Variants in POGLUT1 observed in about 807,000 individuals in gnomAD.
POGLUT1 encodes protein O-glucosyltransferase 1, also known as 9630046K23Rik.
POGLUT1 carries 32 observed loss-of-function variants against 61.3 expected under a neutral mutation model. That is an observed-to-expected ratio of 0.52 (90% CI 0.39 to 0.70). POGLUT1 has a LOEUF of 0.70. POGLUT1 is among the 30% of genes least tolerant of loss of function. POGLUT1 has a pLI of 0.00. For missense variants in POGLUT1, 411 were observed against 469.8 expected (o/e 0.87, Z 1.16); for synonymous variants, 158 against 158.2 (o/e 1.00, Z 0.01).
rs573930420 is a variant in POGLUT1, at chr3:119,491,830, G to A, written c.1022+256G>A. Among the ~76,000 whole-genome samples the A allele has an allele frequency of 2.2e-4, 33 of 152,252 alleles. No individual in the cohort carries two copies. The South Asian group carries it at 6.8e-3, about 32-fold the overall frequency. Reference sequence around the variant, plus strand: ...AGCACTCTGGAAGGCCGAGGTGGGCGGATCACCTGAGGTCAGAAGTTCAAG... The same window carrying A: ...AGCACTCTGGAAGGCCGAGGTGGGCAGATCACCTGAGGTCAGAAGTTCAAG... On this transcript the variant is annotated intron_variant, in intron 10 of 10. Coordinates refer to ENST00000295588, the MANE Select transcript of POGLUT1 (RefSeq NM_152305.3).
At chr3:119,471,491 T>G (rs1453901093) in intron 3 of POGLUT1, 39 bp downstream of exon 3, 1 of 1,590,132 alleles carries the variant, frequency 6.3e-7, no homozygotes, top group Admixed American at 1.7e-5. Context: ...CTGACTTTAT[T>G]ACATATGGGC....
intron 5 of POGLUT1, 40 bp from the exon 6 acceptor site, chr3:119,485,288 A>T: frequency 3.2e-6 from 4 of 1,253,978 alleles, no homozygotes; most frequent in Non-Finnish European, 4.6e-6. Flanking sequence ...TATATAGTTG[A>T]AAAAGATATA....
chr3:119,475,181 C>T (rs1056296536), intron 3 of POGLUT1, among the ~76,000 whole-genome samples: 20 of 152,178 alleles, frequency 1.3e-4, no homozygotes, highest in Non-Finnish European at 2.8e-4. Context: ...TGTACATTTA[C>T]AAGCATCTAG....
intron 1 of POGLUT1, 59 bp from the exon 2 acceptor site, chr3:119,469,761 T>C: frequency 2.4e-6 from 2 of 823,330 alleles, no homozygotes; most frequent in South Asian, 2.8e-5. Context: ...GTTGGTGTGG[T>C]GTCAGCAAAT....
intron 2 of POGLUT1, 31 bp downstream of exon 2, chr3:119,469,941 A>G: frequency 8.0e-7 from 1 of 1,252,810 alleles, no homozygotes; most frequent in Non-Finnish European, 1.2e-6. Flanking sequence ...TGTCTTTGAG[A>G]GTTTAGTTGC....
intron 5 of POGLUT1, among the ~76,000 whole-genome samples, chr3:119,481,942 A>G (rs144054099): frequency 2.0e-5 from 3 of 152,186 alleles, no homozygotes; most frequent in East Asian, 1.9e-4. Context: ...GTTTTTTAAA[A>G]TTTTTTGTAG....
chr3:119,493,484 T>C lies in POGLUT1; in HGVS notation c.*1046T>C, dbSNP rs1400334656. The C allele has an allele frequency of 6.6e-6, 1 of 152,178 alleles. No homozygotes were observed. Among genetic ancestry groups the C allele is most frequent in the African/African-American group, 2.4e-5 (1 of 41,440 alleles). The allele number at this position is 152,178 out of a possible 1,614,324, so 9.4% of individuals were successfully genotyped here. On this transcript the variant is annotated 3_prime_UTR_variant, in exon 11 of 11. Coordinates refer to ENST00000295588, the MANE Select transcript of POGLUT1 (RefSeq NM_152305.3). ...ATATCTCAGGGTGCTCTTTCTAACA[T>C]AGTAAAAAATGAAGAAAAATGTTTA...
At chr3:119,470,349 G>C (rs1027962863) in intron 2 of POGLUT1, among the ~76,000 whole-genome samples, 7 of 152,188 alleles carry the variant, frequency 4.6e-5, no homozygotes, top group African/African-American at 1.4e-4. Flanking sequence ...GCCAAGGCAG[G>C]TGGATCACCT....
chr3:119,477,512 CT>C, intron 4 of POGLUT1, 64 bp downstream of exon 4: 1 of 1,494,792 alleles, frequency 6.7e-7, no homozygotes, highest in Non-Finnish European at 9.3e-7. Context: ...AGCATGAGAT[CT>C]TTGTCCGGTG....
chr3:119,485,311 A>G lies in POGLUT1; in HGVS notation c.579-17A>G. 1.3e-6 allele frequency: 2 copies of G among 1,513,784 alleles called. No homozygotes were observed. The highest frequency in any genetic ancestry group is 4.5e-5 in the East Asian group (2 of 44,404). The allele number at this position is 1,513,784 out of a possible 1,614,324, so 93.8% of individuals were successfully genotyped here. On this transcript the variant is annotated splice_polypyrimidine_tract_variant and intron_variant, in intron 5 of 10. Transcript: ENST00000295588. ...TGAAAAAGATATATTGAAACTAATT[A>G]AATTCTATATTCTTAGGTCAGCAGC...
At chr3:119,469,393 C>T (rs1560028424) in intron 1 of POGLUT1, 2 of 569,780 alleles carry the variant, frequency 3.5e-6, no homozygotes, top group Non-Finnish European at 6.3e-6. Context: ...CTACTCTGGA[C>T]CTGCCTGAAA....
chr3:119,475,063 A>G (rs1289260039), intron 3 of POGLUT1, among the ~76,000 whole-genome samples: 1 of 152,146 alleles, frequency 6.6e-6, no homozygotes, highest in Non-Finnish European at 1.5e-5. Context: ...ACATTCAGTG[A>G]AAAGGAAGTT....
In POGLUT1 at chr3:119,492,698, C is replaced by T. The variant is rs1018086505; in HGVS notation, c.*260C>T. 1 of 211,000 alleles carries T rather than the reference C, an allele frequency of 4.7e-6. No homozygotes were observed. Among genetic ancestry groups the T allele is most frequent in the Non-Finnish European group, 9.5e-6 (1 of 105,788 alleles). The allele number at this position is 211,000 out of a possible 1,614,324, so 13.1% of individuals were successfully genotyped here. A position where few individuals can be genotyped will look rare whatever the true frequency, so the allele number is the denominator to read the frequency against. ...ATGTGGATTTTGAACCCAACTCTAC[C>T]TTTCATTTTCTTAAGACCAATCACA... On this transcript the variant is annotated 3_prime_UTR_variant, in exon 11 of 11. Coordinates refer to ENST00000295588, the MANE Select transcript of POGLUT1 (RefSeq NM_152305.3).
At chr3:119,470,202 G>A (rs546311553) in intron 2 of POGLUT1, among the ~76,000 whole-genome samples, 2 of 152,240 alleles carry the variant, frequency 1.3e-5, no homozygotes, top group Admixed American at 6.5e-5. Context: ...CTGTCAGTGC[G>A]TGCTCGATAA....
rs570048404 is a variant in POGLUT1 at position 119,484,171 on chromosome 3, A to G, written c.579-1157A>G. Among the ~76,000 whole-genome samples, 17 of 152,318 alleles carry G rather than the reference A, an allele frequency of 1.1e-4. No homozygotes were observed. In the South Asian group the frequency reaches 3.5e-3, roughly 32 times the overall value. Reference sequence around the variant, plus strand: ...TCCAGAAAAGGCCAGAGGATGAGCCACGTTGGCTGAGGGTGGAGGTCTGAG... The same window carrying G: ...TCCAGAAAAGGCCAGAGGATGAGCCGCGTTGGCTGAGGGTGGAGGTCTGAG... On this transcript the variant is annotated intron_variant, in intron 5 of 10. Coordinates refer to ENST00000295588, the MANE Select transcript of POGLUT1 (RefSeq NM_152305.3).
chr3:119,477,181 C>T (rs1391103770), intron 3 of POGLUT1, 132 bp from the exon 4 acceptor site: 6 of 852,964 alleles, frequency 7.0e-6, no homozygotes, highest in African/African-American at 1.7e-5. Flanking sequence ...TTTCAGGAGA[C>T]TTTGCAGTAG....
chr3:119,473,228 G>A (rs1243830596), intron 3 of POGLUT1, among the ~76,000 whole-genome samples: 6 of 152,216 alleles, frequency 3.9e-5, no homozygotes, highest in Admixed American at 1.3e-4. Flanking sequence ...AGTACAAATT[G>A]TGAGTCTAGG....
rs2081453204 is a variant in POGLUT1 at position 119,470,126 on chromosome 3, C to A, written c.176+216C>A. 2.0e-5 allele frequency among the ~76,000 whole-genome samples: 3 copies of A among 152,194 alleles called. No individual in the cohort carries two copies. The South Asian group carries it at 6.2e-4, about 31-fold the overall frequency. ...TCAGTGCATGTGCATCTGTTTTTCCCACTGGGCTGCAAGCTTCCTGAGGTC... is the reference window on the plus strand; with the variant it reads ...TCAGTGCATGTGCATCTGTTTTTCCAACTGGGCTGCAAGCTTCCTGAGGTC... On this transcript the variant is annotated intron_variant, in intron 2 of 10. Coordinates refer to ENST00000295588, the MANE Select transcript of POGLUT1 (RefSeq NM_152305.3).
At chr3:119,480,741 C>CT (rs549105221) in intron 5 of POGLUT1, among the ~76,000 whole-genome samples, 6,699 of 138,216 alleles carry the variant, frequency 0.048, 203 homozygotes, top group Middle Eastern at 0.07. Flanking sequence ...ATTTTTCTTT[C>CT]TTTTTTTTTT....
Sources: gnomAD v4.1 joint callset for allele counts (sites outside exome capture counted in the v4.1 genomes callset) on GRCh38, gnomAD v4.1.1 for gene constraint, MANE v1.5 for transcripts, NCBI Gene and HGNC (gene_info 2026-07-23, HGNC 2026-07-21) for gene names.